ZNF281: variants seen among roughly 807,000 people sequenced by gnomAD.
The protein encoded by ZNF281 is GC-box-binding zinc finger protein 1.
Under a neutral mutation model 58.8 loss-of-function variants are expected in ZNF281, and 2 were observed. The ratio of observed to expected loss-of-function variants is 0.03; its 90% CI spans 0.01 to 0.11. ZNF281 has a LOEUF of 0.11. Ranked by LOEUF, ZNF281 falls within the 10% of genes least tolerant of loss-of-function variation. The probability of loss-of-function intolerance (pLI) is 1.00; values close to 1 mark genes in which losing one functional copy is unlikely to be tolerated. For missense variants in ZNF281, 975 were observed against 1,090.7 expected (o/e 0.89, Z 1.49); for synonymous variants, 465 against 407.7 (o/e 1.14, Z -1.69).
Position 200,409,196 on chromosome 1 carries a change from A to T in ZNF281, c.510T>A (p.Ser170Arg). Residue 170 changes from serine (S) to arginine (R), a missense_variant, in exon 2 of 2, where the codon AGT (serine) becomes AGA (arginine). Coordinates refer to ENST00000367353, the MANE Select transcript of ZNF281 (RefSeq NM_001281293.2). ...TACTGAGGTCCTGGATGACGCCGTGACTCCCCCCTTCACCGCCTCCTAGGC... is the reference window on the plus strand; with the variant it reads ...TACTGAGGTCCTGGATGACGCCGTGTCTCCCCCCTTCACCGCCTCCTAGGC... ...SPGLGGGEGG[S>R]HGVIQDLSIL... 3 of 1,610,426 alleles carry T rather than the reference A, an allele frequency of 1.9e-6. No individual in the cohort carries two copies. Among genetic ancestry groups the T allele is most frequent in the Non-Finnish European group, 2.5e-6 (3 of 1,178,764 alleles).
rs1654429173 is a variant in ZNF281 at position 200,405,674 on chromosome 1, A to G, written c.*1344T>C. 6.6e-6 allele frequency: 1 copy of G among 152,228 alleles called. No homozygotes were observed. The highest frequency in any genetic ancestry group is 1.5e-5 in the Non-Finnish European group (1 of 68,034). 9.4% of individuals were successfully genotyped at this position (152,228 alleles called of 1,614,324 possible). ...TTTGATGACTTTACAAGACCCCTGT[A>G]CAATACTAATGCACCCTTTCATTAA... On this transcript the variant is annotated 3_prime_UTR_variant, in exon 2 of 2. Coordinates refer to ENST00000367353, the MANE Select transcript of ZNF281 (RefSeq NM_001281293.2).
chr1:200,408,524 C>T lies in ZNF281; in HGVS notation c.1182G>A (p.Leu394=). 1.9e-6 allele frequency: 3 copies of T among 1,614,190 alleles called. No homozygotes were observed. Among genetic ancestry groups the T allele is most frequent in the South Asian group, 1.1e-5 (1 of 91,078 alleles). The change falls in exon 2 of 2, where the codon TTG becomes TTA. Residue 394 remains leucine (L), a synonymous_variant. Coordinates refer to ENST00000367353, the MANE Select transcript of ZNF281 (RefSeq NM_001281293.2). ...NHTNMGNLAV[L]SQGNTSSSRR... is the part of the protein sequence containing the mutation. ...TTGAAGAACTTGTATTTCCCTGAGA[C>T]AACACAGCCAGATTACCCATATTGG... is the stretch of plus-strand genomic sequence containing the variant.
intron 1 of ZNF281, 109 bp downstream of exon 1, chr1:200,409,837 C>G (rs1654574000): frequency 1.2e-5 from 16 of 1,342,246 alleles, no homozygotes; most frequent in Non-Finnish European, 1.6e-5. Context: ...GACCGCAACG[C>G]GCCCAGCACT....
At position 200,407,796 on chromosome 1, in the gene ZNF281, G is replaced by A; in HGVS notation, c.1910C>T (p.Thr637Ile). Reference sequence around the variant, plus strand: ...AACCAATTCTGAGTGTTCTCCTGAGGTGTGTAAATCCACTCGTGGTTCTGC... The same window carrying A: ...AACCAATTCTGAGTGTTCTCCTGAGATGTGTAAATCCACTCGTGGTTCTGC... ...NIAEPRVDLH[T>I]SGEHSELVQE... Residue 637 changes from threonine (T) to isoleucine (I), a missense_variant, in exon 2 of 2, where the codon ACC (threonine) becomes ATC (isoleucine). Thr to Ile is a moderately conservative substitution (Grantham distance 89). Coordinates refer to ENST00000367353, the MANE Select transcript of ZNF281 (RefSeq NM_001281293.2). 6.2e-7 allele frequency: 1 copy of A among 1,614,032 alleles called. No homozygotes were observed. The highest frequency in any genetic ancestry group is 2.2e-5 in the East Asian group (1 of 44,898).
rs149529095 is a variant in ZNF281, at chr1:200,407,510, C to G, written c.2196G>C (p.Leu732Phe). The G allele has an allele frequency of 6.2e-7, 1 of 1,614,160 alleles. No homozygotes were observed. Residue 732 changes from leucine (L) to phenylalanine (F), a missense_variant, in exon 2 of 2, where the codon TTG becomes TTC. Leu to Phe is a conservative substitution (Grantham distance 22). This residue lies in a region of ZNF281 where 579 missense variants were observed against 608.9 expected (regional missense o/e 0.95). Transcript: ENST00000367353. ...ACAACATCCCAAAAGGAGGCTTTGG[C>G]AATGAAGATGGCAACACTGAGGTAA... is the stretch of plus-strand genomic sequence containing the variant. Reference protein sequence around the residue: ...QSVTSVLPSSLPKPPFGMLFG... With the variant: ...QSVTSVLPSSFPKPPFGMLFG...
At position 200,405,831 on chromosome 1, in the gene ZNF281, C is replaced by A. The variant is rs979875563; in HGVS notation, c.*1187G>T. 1 of 148,890 alleles carries A rather than the reference C, an allele frequency of 6.7e-6. No homozygotes were observed. The highest frequency in any genetic ancestry group is 2.5e-5 in the African/African-American group (1 of 40,262). The allele number at this position is 148,890 out of a possible 1,614,324, so 9.2% of individuals were successfully genotyped here. A position where few individuals can be genotyped will look rare whatever the true frequency, so the allele number is the denominator to read the frequency against. On this transcript the variant is annotated 3_prime_UTR_variant, in exon 2 of 2. Coordinates refer to ENST00000367353, the MANE Select transcript of ZNF281 (RefSeq NM_001281293.2). ...CCTTATTAATATCTATCCAAGAACACGGGGTTTTATTACATATGGAAATCT... is the reference window on the plus strand; with the variant it reads ...CCTTATTAATATCTATCCAAGAACAAGGGGTTTTATTACATATGGAAATCT...
Position 200,408,920 on chromosome 1 carries a change from G to A in ZNF281, c.786C>T (p.Ile262=), listed in dbSNP as rs1449028795. 14 of 1,614,236 alleles carry A rather than the reference G, an allele frequency of 8.7e-6. No individual in the cohort carries two copies. The highest frequency in any genetic ancestry group is 1.2e-5 in the Non-Finnish European group (14 of 1,180,042). The stretch of plus-strand genomic sequence containing the variant: ...GGAAAGCAGCACTACAGTGATCACA[G>A]ATATGAGGTTTCTGACTTGGGGAGA... The part of the protein sequence containing the change: ...AILSPSQKPH[I]CDHCSAAFRS... The change falls in exon 2 of 2, where the codon ATC becomes ATT. Residue 262 remains isoleucine, a synonymous_variant. Transcript: ENST00000367353.
At position 200,407,575 on chromosome 1, in the gene ZNF281, A is replaced by T. The variant is rs368697081; in HGVS notation, c.2131T>A (p.Tyr711Asn). 5 of 1,614,246 alleles carry T rather than the reference A, an allele frequency of 3.1e-6. No individual in the cohort carries two copies. The South Asian group carries it at 4.4e-5, about 14-fold the overall frequency. Reference protein sequence around the residue: ...NHTLFPEKQIYTTSPLECGFG... With the variant: ...NHTLFPEKQINTTSPLECGFG... ...CCACACTCCAAAGGAGACGTAGTGT[A>T]TATTTGTTTTTCTGGAAACAAAGTG... Residue 711 changes from tyrosine to asparagine, a missense_variant, in exon 2 of 2, where the codon TAC (tyrosine) becomes AAC (asparagine). Tyr to Asn is a moderately radical substitution (Grantham distance 143). Coordinates refer to ENST00000367353, the MANE Select transcript of ZNF281 (RefSeq NM_001281293.2).
rs1654418565 is a variant in ZNF281, at chr1:200,405,183, T to C, written c.*1835A>G. ...TTACCGCACTTACTGAAATAAGAAA[T>C]AAACACTTTTTAGTACTCAGCGTAT... On this transcript the variant is annotated 3_prime_UTR_variant, in exon 2 of 2. Coordinates refer to ENST00000367353, the MANE Select transcript of ZNF281 (RefSeq NM_001281293.2). 1 of 152,358 alleles carries C rather than the reference T, an allele frequency of 6.6e-6. No homozygotes were observed. Among genetic ancestry groups the C allele is most frequent in the Non-Finnish European group, 1.5e-5 (1 of 68,006 alleles). 9.4% of individuals were successfully genotyped at this position (152,358 alleles called of 1,614,324 possible).
Position 200,409,550 on chromosome 1 carries a change from C to T in ZNF281, c.156G>A (p.Met52Ile), listed in dbSNP as rs1233247368. Residue 52 changes from methionine (M) to isoleucine (I), a missense_variant, in exon 2 of 2, where the codon ATG becomes ATA. By Grantham distance (10) the Met-to-Ile change is conservative. Coordinates refer to ENST00000367353, the MANE Select transcript of ZNF281 (RefSeq NM_001281293.2). ...TGACCGGGGGAAGACGGTGGTTGAACATAACCATACCCTGGGGAAAGGTGG... is the reference window on the plus strand; with the variant it reads ...TGACCGGGGGAAGACGGTGGTTGAATATAACCATACCCTGGGGAAAGGTGG... ...MEPTFPQGMV[M>I]FNHRLPPVTS... 18 of 1,549,690 alleles carry T rather than the reference C, an allele frequency of 1.2e-5. No homozygotes were observed. Among genetic ancestry groups the T allele is most frequent in the Non-Finnish European group, 1.4e-5 (16 of 1,146,738 alleles).
At position 200,408,024 on chromosome 1, in the gene ZNF281, A is replaced by C; in HGVS notation, c.1682T>G (p.Val561Gly). The C allele has an allele frequency of 6.2e-7, 1 of 1,614,176 alleles. No homozygotes were observed. Among genetic ancestry groups the C allele is most frequent in the Non-Finnish European group, 8.5e-7 (1 of 1,180,040 alleles). The change falls in exon 2 of 2, where the codon GTC (valine) becomes GGC (glycine). Residue 561 changes from valine to glycine, a missense_variant. Val to Gly is a moderately radical substitution (Grantham distance 109, BLOSUM62 -3). Transcript: ENST00000367353. ...AGACTGAATGACAGACTGTTGGGAGACCATGTGTCCTACGTTTATAGAAAA... is the reference window on the plus strand; with the variant it reads ...AGACTGAATGACAGACTGTTGGGAGCCCATGTGTCCTACGTTTATAGAAAA... ...SAFSINVGHM[V>G]SQQSVIQSAG...
chr1:200,407,960 T>G lies in ZNF281; in HGVS notation c.1746A>C (p.Ser582=). The change falls in exon 2 of 2, where the codon TCA becomes TCC. Residue 582 remains serine, a synonymous_variant. Transcript: ENST00000367353. ...CATTTAGAGCTGAGGAGTCAATAAGTGACAATGGTGCCTCATTGTCCAAAA... is the reference window on the plus strand; with the variant it reads ...CATTTAGAGCTGAGGAGTCAATAAGGGACAATGGTGCCTCATTGTCCAAAA... ...VSVLDNEAPL[S]LIDSSALNAE... is the part of the protein sequence containing the mutation. 1 of 1,614,180 alleles carries G rather than the reference T, an allele frequency of 6.2e-7. No homozygotes were observed. Among genetic ancestry groups the G allele is most frequent in the Non-Finnish European group, 8.5e-7 (1 of 1,180,026 alleles).
rs1172817603 is a variant in ZNF281, at chr1:200,408,542, C to T, written c.1164G>A (p.Met388Ile). 1 of 1,614,194 alleles carries T rather than the reference C, an allele frequency of 6.2e-7. No individual in the cohort carries two copies. Residue 388 changes from methionine to isoleucine, a missense_variant, in exon 2 of 2, where the codon ATG becomes ATA. Physicochemically the swap from Met to Ile is conservative, Grantham distance 10. Around this residue, in one of 3 missense-constraint regions of ZNF281, gnomAD observed 579 missense variants for 608.9 expected, o/e 0.95. Coordinates refer to ENST00000367353, the MANE Select transcript of ZNF281 (RefSeq NM_001281293.2). ...AEPGSSNHTN[M>I]GNLAVLSQGN... ...CCTGAGACAACACAGCCAGATTACC[C>T]ATATTGGTATGGTTTGATGACCCAG...
rs776320650 is a variant in ZNF281 at position 200,407,181 on chromosome 1, C to T, written c.2525G>A (p.Gly842Asp). The T allele has an allele frequency of 1.9e-6, 3 of 1,614,168 alleles. No individual in the cohort carries two copies. The highest frequency in any genetic ancestry group is 1.7e-5 in the Admixed American group (1 of 60,016). ...AQAFGSQFKS[G>D]SRVPMTFITN... Reference sequence around the variant, plus strand: ...GATAAAGGTCATTGGCACCCTGCTGCCCGACTTAAACTGAGAACCAAACGC... The same window carrying T: ...GATAAAGGTCATTGGCACCCTGCTGTCCGACTTAAACTGAGAACCAAACGC... Residue 842 changes from glycine (G) to aspartate (D), a missense_variant, in exon 2 of 2, where the codon GGC (glycine) becomes GAC (aspartate). Physicochemically the swap from Gly to Asp is moderately conservative, Grantham distance 94 (BLOSUM62 -1). This residue lies in a region of ZNF281 where 579 missense variants were observed against 608.9 expected (regional missense o/e 0.95). Coordinates refer to ENST00000367353, the MANE Select transcript of ZNF281 (RefSeq NM_001281293.2).
Position 200,408,965 on chromosome 1 carries a change from T to G in ZNF281, c.741A>C (p.Gly247=), listed in dbSNP as rs1332059189. ...GGGAGAGGATGGCACCTTCTCCATC[T>G]CCAACCAAAGAAGGTTTGGAAGATG... The part of the protein sequence containing the change: ...PSASSKPSLV[G]DGEGAILSPS... The change falls in exon 2 of 2, where the codon GGA becomes GGC. Residue 247 remains glycine (G), a synonymous_variant. Coordinates refer to ENST00000367353, the MANE Select transcript of ZNF281 (RefSeq NM_001281293.2). The G allele has an allele frequency of 1.2e-6, 2 of 1,614,142 alleles. No homozygotes were observed. Among genetic ancestry groups the G allele is most frequent in the African/African-American group, 1.3e-5 (1 of 74,944 alleles).
At position 200,407,081 on chromosome 1, in the gene ZNF281, C is replaced by T. The variant is rs759038374; in HGVS notation, c.2625G>A (p.Met875Ile). Residue 875 changes from methionine (M) to isoleucine (I), a missense_variant, in exon 2 of 2, where the codon ATG becomes ATA. By Grantham distance (10) the Met-to-Ile change is conservative (BLOSUM62 1). This residue lies in a region of ZNF281 where 579 missense variants were observed against 608.9 expected (regional missense o/e 0.95). Coordinates refer to ENST00000367353, the MANE Select transcript of ZNF281 (RefSeq NM_001281293.2). The stretch of plus-strand genomic sequence containing the variant: ...TACTACATGGCTCACTTACATCAGA[C>T]ATCATATTTGTATACCCTGAGAAAT... The part of the protein sequence containing the change: ...VSDFSGYTNM[M>I]SDVSEPCSTR... The T allele has an allele frequency of 3.7e-6, 6 of 1,614,112 alleles. No individual in the cohort carries two copies. Among genetic ancestry groups the T allele is most frequent in the Non-Finnish European group, 5.1e-6 (6 of 1,180,026 alleles).
chr1:200,409,468 A>G lies in ZNF281; in HGVS notation c.238T>C (p.Ser80Pro), dbSNP rs1235673161. The G allele has an allele frequency of 9.7e-6, 15 of 1,542,960 alleles. No homozygotes were observed. Among genetic ancestry groups the G allele is most frequent in the Non-Finnish European group, 1.2e-5 (14 of 1,142,522 alleles). ...GCGGCCGGGGCTGCGGAGGTAGAGGAGGATAACACGCATTGCGGGGGAGGG... is the reference window on the plus strand; with the variant it reads ...GCGGCCGGGGCTGCGGAGGTAGAGGGGGATAACACGCATTGCGGGGGAGGG... Reference protein sequence around the residue: ...AAPPPQCVLSSSTSAAPAAEP... With the variant: ...AAPPPQCVLSPSTSAAPAAEP... Residue 80 changes from serine (S) to proline (P), a missense_variant, in exon 2 of 2, where the codon TCC (serine) becomes CCC (proline). This residue lies in a region of ZNF281 where 370 missense variants were observed against 360.9 expected (regional missense o/e 1.03). Coordinates refer to ENST00000367353, the MANE Select transcript of ZNF281 (RefSeq NM_001281293.2).
Position 200,407,916 on chromosome 1 carries a change from T to A in ZNF281, c.1790A>T (p.His597Leu). 1.2e-6 allele frequency: 2 copies of A among 1,614,200 alleles called. No homozygotes were observed. The highest frequency in any genetic ancestry group is 8.5e-7 in the Non-Finnish European group (1 of 1,180,036). ...CTCATCAGGAATTCCAGACTTGTCATGACAAGATTTAATTTCAGCATTTAG... is the reference window on the plus strand; with the variant it reads ...CTCATCAGGAATTCCAGACTTGTCAAGACAAGATTTAATTTCAGCATTTAG... ...SALNAEIKSC[H>L]DKSGIPDEVL... is the part of the protein sequence containing the mutation. Residue 597 changes from histidine (H) to leucine (L), a missense_variant, in exon 2 of 2, where the codon CAT becomes CTT. By Grantham distance (99) the His-to-Leu change is moderately conservative (BLOSUM62 -3). This residue lies in a region of ZNF281 where 579 missense variants were observed against 608.9 expected (regional missense o/e 0.95). Coordinates refer to ENST00000367353, the MANE Select transcript of ZNF281 (RefSeq NM_001281293.2).
Position 200,407,569 on chromosome 1 carries a change from T to G in ZNF281, c.2137A>C (p.Thr713Pro), listed in dbSNP as rs750418152. The G allele has an allele frequency of 6.2e-7, 1 of 1,614,112 alleles. No individual in the cohort carries two copies. The highest frequency in any genetic ancestry group is 1.1e-5 in the South Asian group (1 of 91,084). Residue 713 changes from threonine to proline, a missense_variant, in exon 2 of 2, where the codon ACG becomes CCG. Physicochemically the swap from Thr to Pro is conservative, Grantham distance 38 (BLOSUM62 -1). Transcript: ENST00000367353. ...TLFPEKQIYT[T>P]SPLECGFGQS... is the part of the protein sequence containing the mutation. ...CCGAAACCACACTCCAAAGGAGACG[T>G]AGTGTATATTTGTTTTTCTGGAAAC...
Sources: allele counts gnomAD v4.1 joint callset, GRCh38; gene constraint gnomAD v4.1.1; regional missense constraint gnomAD v4.1.1; transcripts MANE v1.5; gene names NCBI Gene and HGNC (gene_info 2026-07-23, HGNC 2026-07-21).